ATAD3B: variants seen among roughly 807,000 people sequenced by gnomAD.
ATAD3B encodes the protein ATPase family AAA domain-containing protein 3B.
ATAD3B carries 59 observed loss-of-function variants against 70.2 expected under a neutral mutation model. The ratio of observed to expected loss-of-function variants is 0.84; its 90% CI spans 0.68 to 1.04. The LOEUF (loss-of-function observed/expected upper bound fraction) is 1.04. Ranked by LOEUF, ATAD3B falls within the 50% of genes least tolerant of loss-of-function variation. ATAD3B has a pLI of 0.00. For missense variants in ATAD3B, 961 were observed against 913.4 expected, an observed-to-expected ratio of 1.05 and a Z score of -0.67; for synonymous variants, 423 against 388.6, an observed-to-expected ratio of 1.09 and a Z score of -1.04.
chr1:1,496,082 G>A lies in ATAD3B; in HGVS notation c.*265G>A. ...TGGGGCGGCCTGAACCCTGCTTCCAGCCATGGCCAGGGGCCACGGAACCCG... is the reference window on the plus strand; with the variant it reads ...TGGGGCGGCCTGAACCCTGCTTCCAACCATGGCCAGGGGCCACGGAACCCG... On this transcript the variant is annotated 3_prime_UTR_variant, in exon 16 of 16. Coordinates refer to ENST00000673477, the MANE Select transcript of ATAD3B (RefSeq NM_031921.6). The A allele has an allele frequency of 2.5e-6, 3 of 1,221,804 alleles. No individual in the cohort carries two copies. The highest frequency in any genetic ancestry group is 3.1e-6 in the Non-Finnish European group (3 of 977,202). 75.7% of individuals were successfully genotyped at this position (1,221,804 alleles called of 1,614,324 possible).
rs368942875 is a variant in ATAD3B at position 1,489,198 on chromosome 1, C to A, written c.1267-6C>A. ...GGTGCCTAAGGCTGGAACCTTCTCT[C>A]TGCAGGAGGAGATAAGCAAGGACCT... On this transcript the variant is annotated splice_polypyrimidine_tract_variant and splice_region_variant and intron_variant, in intron 12 of 15. Coordinates refer to ENST00000673477, the MANE Select transcript of ATAD3B (RefSeq NM_031921.6). The A allele has an allele frequency of 6.2e-7, 1 of 1,613,522 alleles. No individual in the cohort carries two copies.
intron 7 of ATAD3B, chr1:1,483,401 A>C (rs1359353549): frequency 3.9e-6 from 1 of 259,286 alleles, no homozygotes; most frequent in Non-Finnish European, 7.6e-6. Context: ...CAGGAGGCGG[A>C]AGTTGCAGTG....
At chr1:1,509,334 G>T in the ATAD3B span, 6 of 1,611,478 alleles carry the variant, frequency 3.7e-6, no homozygotes, top group East Asian at 2.2e-5. Flanking sequence ...GCCCGAGGAC[G>T]AGCAACCCTC....
At chr1:1,486,428 G>T in intron 10 of ATAD3B, 116 bp from the exon 11 acceptor site, 3 of 1,605,420 alleles carry the variant, frequency 1.9e-6, no homozygotes, top group African/African-American at 1.4e-5. Flanking sequence ...TGTCTGGCAG[G>T]CTGTGGCTTC....
chr1:1,479,294 G>T (rs1639769105), intron 4 of ATAD3B, among the ~76,000 whole-genome samples, 186 bp downstream of exon 4: 1 of 147,658 alleles, frequency 6.8e-6, no homozygotes, highest in South Asian at 2.2e-4. Context: ...ATGCAGATGT[G>T]TGCACACATG....
intron 15 of ATAD3B, among the ~76,000 whole-genome samples, chr1:1,492,010 A>AC (rs1334358968): frequency 6.6e-6 from 1 of 151,670 alleles, no homozygotes; most frequent in African/African-American, 2.4e-5. Context: ...GCAAGGTGAG[A>AC]CCCCATCTCT....
At chr1:1,485,660 C>T (rs1182236649) in intron 8 of ATAD3B, 122 bp from the exon 9 acceptor site, 31 of 1,470,580 alleles carry the variant, frequency 2.1e-5, no homozygotes, top group Admixed American at 5.9e-5. Flanking sequence ...AGCTCCGGGC[C>T]GGTCCTGGCT....
rs888863859 is a variant in ATAD3B, at chr1:1,495,424, C to T, written c.1615-61C>T. Reference sequence around the variant, plus strand: ...GCCCCTCCCCACCTCGGGGCCCTGGCGTGCATTAAGGGTGGCGGGTTCCCA... The same window carrying T: ...GCCCCTCCCCACCTCGGGGCCCTGGTGTGCATTAAGGGTGGCGGGTTCCCA... On this transcript the variant is annotated intron_variant, in intron 15 of 15. Coordinates refer to ENST00000673477, the MANE Select transcript of ATAD3B (RefSeq NM_031921.6). The T allele has an allele frequency of 5.6e-5, 86 of 1,536,436 alleles. 1 individual carries two copies. Among genetic ancestry groups the T allele is most frequent in the Non-Finnish European group, 7.4e-5 (84 of 1,138,478 alleles).
Position 1,497,690 on chromosome 1 carries a change from C to T in ATAD3B, c.*1873C>T, listed in dbSNP as rs1640835251. The T allele has an allele frequency of 6.6e-6, 1 of 151,106 alleles. No homozygotes were observed. Among genetic ancestry groups the T allele is most frequent in the Admixed American group, 6.6e-5 (1 of 15,148 alleles). The allele number at this position is 151,106 out of a possible 1,614,324, so 9.4% of individuals were successfully genotyped here. ...GACCATCCTGGCTAACGTGGCAAAA[C>T]CCCGTCTCTACTAAAAATACAAAAA... On this transcript the variant is annotated 3_prime_UTR_variant, in exon 16 of 16. Transcript: ENST00000673477.
At position 1,479,370 on chromosome 1, in the gene ATAD3B, AGGCACACACACCCCTGCACACATG is replaced by A. The variant is rs999745738; in HGVS notation, c.444+274_444+297del. On this transcript the variant is annotated intron_variant, in intron 4 of 15. Transcript: ENST00000673477. ...CCTCGCACACACACTCCCGGCAGAC[AGGCACACACACCCCTGCACACATG>A]GGCACACACACACCCCTGCACACAC... 9.6e-5 allele frequency among the ~76,000 whole-genome samples: 14 copies of A among 146,222 alleles called. 1 individual carries two copies. Among genetic ancestry groups the A allele is most frequent in the African/African-American group, 3.6e-4 (14 of 39,150 alleles).
In ATAD3B at chr1:1,496,300, CTTT is replaced by C; in HGVS notation, c.*484_*486del. The C allele has an allele frequency of 1.1e-6, 1 of 935,764 alleles. No individual in the cohort carries two copies. Among genetic ancestry groups the C allele is most frequent in the Non-Finnish European group, 1.3e-6 (1 of 783,712 alleles). 58.0% of individuals were successfully genotyped at this position (935,764 alleles called of 1,614,324 possible). A position where few individuals can be genotyped will look rare whatever the true frequency, so the allele number is the denominator to read the frequency against. On this transcript the variant is annotated 3_prime_UTR_variant, in exon 16 of 16. Coordinates refer to ENST00000673477, the MANE Select transcript of ATAD3B (RefSeq NM_031921.6). The stretch of plus-strand genomic sequence containing the variant: ...GTGACATAAGAGGCAGAGGCTGGAG[CTTT>C]CTGGAGAATTTACTGATCACAGAGC...
At chr1:1,482,806 C>G in intron 7 of ATAD3B, 192 bp downstream of exon 7, 1 of 813,902 alleles carries the variant, frequency 1.2e-6, no homozygotes, top group East Asian at 2.7e-5. Context: ...AATGCAGTTG[C>G]CAGCCTGGGC....
At chr1:1,487,803 G>C in intron 11 of ATAD3B, 60 bp from the exon 12 acceptor site, 2 of 1,595,876 alleles carry the variant, frequency 1.3e-6, no homozygotes, top group South Asian at 1.1e-5. Context: ...GCGGCCGGAC[G>C]CTGCTGTGGG....
intron 13 of ATAD3B, 160 bp from the exon 14 acceptor site, chr1:1,490,097 C>T: frequency 7.0e-7 from 1 of 1,429,732 alleles, no homozygotes; most frequent in African/African-American, 1.4e-5. Context: ...AGGCGGGTGA[C>T]CAGGGCTGTG....
At chr1:1,505,700 G>A in the ATAD3B span, among the ~76,000 whole-genome samples, 7 of 152,240 alleles carry the variant, frequency 4.6e-5, no homozygotes, top group East Asian at 5.8e-4. Flanking sequence ...CTTGTCTTCC[G>A]GTCGCTTCTC....
chr1:1,491,098 T>C (rs113618724), intron 15 of ATAD3B, among the ~76,000 whole-genome samples: 8,679 of 151,732 alleles, frequency 0.057, 643 homozygotes, highest in African/African-American at 0.17. Flanking sequence ...CTTGGTCCTG[T>C]TTGACGGGTT....
At position 1,490,575 on chromosome 1, in the gene ATAD3B, G is replaced by A; in HGVS notation, c.1518G>A (p.Leu506=). 1.2e-6 allele frequency: 2 copies of A among 1,610,980 alleles called. No homozygotes were observed. Among genetic ancestry groups the A allele is most frequent in the Non-Finnish European group, 8.5e-7 (1 of 1,178,978 alleles). Reference sequence around the variant, plus strand: ...ACTCCTTCCCCAGGCGCCTGAAGCTGGCCCAGTTTGACTACGGGAGGAAGT... The same window carrying A: ...ACTCCTTCCCCAGGCGCCTGAAGCTAGCCCAGTTTGACTACGGGAGGAAGT... ...PATEGKRRLK[L]AQFDYGRKCS... is the part of the protein sequence containing the mutation. The change falls in exon 15 of 16, where the codon CTG becomes CTA. Residue 506 remains leucine (L), a synonymous_variant. Transcript: ENST00000673477.
chr1:1,491,564 T>A (rs1220143945), intron 15 of ATAD3B, among the ~76,000 whole-genome samples: 2 of 151,898 alleles, frequency 1.3e-5, no homozygotes, highest in East Asian at 3.9e-4. Context: ...TGGGGGTTGC[T>A]GAAAAAGCAA....
downstream of ATAD3B, among the ~76,000 whole-genome samples, chr1:1,499,069 T>C (rs977716505): frequency 1.3e-5 from 2 of 151,830 alleles, no homozygotes; most frequent in South Asian, 4.2e-4. Flanking sequence ...CCTCCCGGGT[T>C]CACGCCATTC....
Sources: allele counts gnomAD v4.1 joint callset (sites outside exome capture counted in the v4.1 genomes callset), GRCh38; gene constraint gnomAD v4.1.1; transcripts MANE v1.5; gene names NCBI Gene and HGNC (gene_info 2026-07-23, HGNC 2026-07-21).